ARHGEF12: variants seen among roughly 807,000 people sequenced by gnomAD.
ARHGEF12 encodes Rho guanine nucleotide exchange factor 12, also known as KMT2A/ARHGEF12 fusion protein.
Under a neutral mutation model 211.2 loss-of-function variants are expected in ARHGEF12, and 66 were observed. That is an observed-to-expected ratio of 0.31 (90% CI 0.26 to 0.38). ARHGEF12 has a LOEUF of 0.38. ARHGEF12 is among the 10% of genes least tolerant of loss of function. ARHGEF12 has a pLI of 1.00. For missense variants in ARHGEF12, 1,429 were observed against 1,869.5 expected, an observed-to-expected ratio of 0.76 and a Z score of 4.34; for synonymous variants, 592 against 638.4, an observed-to-expected ratio of 0.93 and a Z score of 1.09.
intron 1 of ARHGEF12, among the ~76,000 whole-genome samples, chr11:120,376,932 G>T (rs1016092326): frequency 6.6e-6 from 1 of 152,092 alleles, no homozygotes; most frequent in Admixed American, 6.6e-5. Context: ...TTAACATAAT[G>T]ACCTTCAGTT....
At chr11:120,384,858 A>T (rs1314056456) in intron 1 of ARHGEF12, among the ~76,000 whole-genome samples, 2 of 151,660 alleles carry the variant, frequency 1.3e-5, no homozygotes, top group African/African-American at 4.9e-5. Context: ...TTGAAGGGGT[A>T]ATACTAGCAA....
chr11:120,452,928 G>A (rs932503035), intron 22 of ARHGEF12, among the ~76,000 whole-genome samples: 1 of 151,748 alleles, frequency 6.6e-6, no homozygotes, highest in Non-Finnish European at 1.5e-5. Flanking sequence ...TCCAGGAGGT[G>A]GGTGGAGGTT....
chr11:120,371,317 T>G (rs151072912), intron 1 of ARHGEF12, among the ~76,000 whole-genome samples: 1 of 152,112 alleles, frequency 6.6e-6, no homozygotes, highest in Non-Finnish European at 1.5e-5. Flanking sequence ...GGAGAAACCC[T>G]GTCTCTCCTA....
intron 15 of ARHGEF12, among the ~76,000 whole-genome samples, chr11:120,443,048 G>T: frequency 7.0e-6 from 1 of 143,594 alleles, no homozygotes; most frequent in African/African-American, 2.6e-5. Context: ...TTGAGACAGA[G>T]TCTTGCTCTG....
At chr11:120,407,920 A>T in intron 3 of ARHGEF12, 97 bp downstream of exon 3, 1 of 1,095,502 alleles carries the variant, frequency 9.1e-7, no homozygotes. Flanking sequence ...TAGTTGTTTG[A>T]TCTGTTTTAG....
At chr11:120,412,549 A>G (rs937224342) in intron 4 of ARHGEF12, among the ~76,000 whole-genome samples, 4 of 152,134 alleles carry the variant, frequency 2.6e-5, no homozygotes, top group Non-Finnish European at 4.4e-5. Context: ...TTTAGTTTCT[A>G]TGATATTACA....
chr11:120,441,592 GA>G, intron 13 of ARHGEF12, 114 bp from the exon 14 acceptor site: 1 of 722,362 alleles, frequency 1.4e-6, no homozygotes, highest in South Asian at 2.2e-5. Context: ...TTTAAATCTT[GA>G]ATTTTTTATA....
chr11:120,363,259 A>G (rs959178631), intron 1 of ARHGEF12, among the ~76,000 whole-genome samples: 2 of 152,158 alleles, frequency 1.3e-5, no homozygotes, highest in Non-Finnish European at 2.9e-5. Flanking sequence ...ATGACCAACC[A>G]CTGGTACCAG....
At chr11:120,436,207 C>T (rs1945689042) in intron 11 of ARHGEF12, among the ~76,000 whole-genome samples, 1 of 152,052 alleles carries the variant, frequency 6.6e-6, no homozygotes, top group Non-Finnish European at 1.5e-5. Flanking sequence ...TTTTGACATG[C>T]CCCTCCAATA....
intron 1 of ARHGEF12, among the ~76,000 whole-genome samples, chr11:120,394,563 A>G (rs1042033678): frequency 6.6e-6 from 1 of 151,804 alleles, no homozygotes; most frequent in African/African-American, 2.4e-5. Context: ...GAAAAAAAAA[A>G]TAGAGATGAA....
chr11:120,426,780 G>A (rs879642149), intron 7 of ARHGEF12, among the ~76,000 whole-genome samples: 3 of 152,174 alleles, frequency 2.0e-5, no homozygotes, highest in Non-Finnish European at 4.4e-5. Flanking sequence ...TGGGAGACAA[G>A]TGTGAAATAC....
chr11:120,451,471 C>T (rs1251044450), intron 21 of ARHGEF12, 41 bp from the exon 22 acceptor site: 2 of 1,601,476 alleles, frequency 1.2e-6, no homozygotes, highest in Non-Finnish European at 1.7e-6. Context: ...GCCACCGCAC[C>T]CAGCCGCAAT....
intron 1 of ARHGEF12, among the ~76,000 whole-genome samples, chr11:120,400,154 AT>A (rs1167025681): frequency 6.6e-6 from 1 of 152,150 alleles, no homozygotes; most frequent in Non-Finnish European, 1.5e-5. Context: ...ATCATAATAT[AT>A]TTTATATACA....
chr11:120,441,632 A>G (rs1945870411), intron 13 of ARHGEF12, 75 bp from the exon 14 acceptor site: 4 of 1,158,486 alleles, frequency 3.5e-6, no homozygotes, highest in South Asian at 1.4e-5. Context: ...TTGGATAGCT[A>G]TGTTCAATTG....
In ARHGEF12 at chr11:120,451,554, A is replaced by G. The variant is rs750517391; in HGVS notation, c.1886A>G (p.His629Arg). Residue 629 changes from histidine to arginine, a missense_variant, in exon 22 of 41, where the codon CAC (histidine) becomes CGC (arginine). Transcript: ENST00000397843. ...MELQKARHPK[H>R]LSTPSSVSPE... ...CTACAGAAGGCGCGCCACCCTAAGC[A>G]CTTATCCACACCCTCATCTGTGAGT... is the stretch of plus-strand genomic sequence containing the variant. 1 of 1,614,098 alleles carries G rather than the reference A, an allele frequency of 6.2e-7. No individual in the cohort carries two copies. Among genetic ancestry groups the G allele is most frequent in the Admixed American group, 1.7e-5 (1 of 60,016 alleles).
Position 120,445,411 on chromosome 11 carries a change from T to C in ARHGEF12, c.1303-11T>C. 6.2e-7 allele frequency: 1 copy of C among 1,614,094 alleles called. No homozygotes were observed. Among genetic ancestry groups the C allele is most frequent in the South Asian group, 1.1e-5 (1 of 91,084 alleles). On this transcript the variant is annotated splice_polypyrimidine_tract_variant and intron_variant, in intron 15 of 40. Coordinates refer to ENST00000397843, the MANE Select transcript of ARHGEF12 (RefSeq NM_015313.3). ...AGCGTTGTTACACCTTTTGTTTGCA[T>C]TTCATTTTAGCACCTGAAAGTTTCT...
At chr11:120,376,153 C>G (rs1277996082) in intron 1 of ARHGEF12, among the ~76,000 whole-genome samples, 1 of 152,012 alleles carries the variant, frequency 6.6e-6, no homozygotes, top group African/African-American at 2.4e-5. Flanking sequence ...GTTAATTGCT[C>G]TGGTAATTGC....
intron 1 of ARHGEF12, among the ~76,000 whole-genome samples, chr11:120,354,530 G>C (rs188042528): frequency 6.6e-6 from 1 of 152,330 alleles, no homozygotes; most frequent in East Asian, 1.9e-4. Flanking sequence ...TCTGTGACAT[G>C]AATCAGTTTA....
At chr11:120,470,193 C>G (rs1946828428) in intron 30 of ARHGEF12, among the ~76,000 whole-genome samples, 1 of 152,166 alleles carries the variant, frequency 6.6e-6, no homozygotes, top group African/African-American at 2.4e-5. Flanking sequence ...ATATAGTGTT[C>G]AGATTTTCAT....
Sources: allele counts gnomAD v4.1 joint callset (sites outside exome capture counted in the v4.1 genomes callset), GRCh38; gene constraint gnomAD v4.1.1; transcripts MANE v1.5; gene names NCBI Gene and HGNC (gene_info 2026-07-23, HGNC 2026-07-21).